Variants in MTCL1 observed in about 807,000 individuals in gnomAD.
MTCL1 encodes microtubule cross-linking factor 1.
Under a neutral mutation model 141.4 loss-of-function variants are expected in MTCL1, and 79 were observed. That is an observed-to-expected ratio of 0.56 (90% CI 0.47 to 0.67). The LOEUF (loss-of-function observed/expected upper bound fraction) is 0.67, where lower values mean the gene tolerates loss of function less well. Among genes scored for constraint, MTCL1 ranks in the 30% least tolerant of loss-of-function variants. MTCL1 has a pLI of 0.00. For synonymous variants in MTCL1, 914 were observed against 875.8 expected (o/e 1.04, Z -0.77); for missense variants, 2,177 against 2,113.9 (o/e 1.03, Z -0.59).
intron 4 of MTCL1, among the ~76,000 whole-genome samples, chr18:8,768,178 T>C (rs1015738397): frequency 2.6e-5 from 4 of 152,236 alleles, no homozygotes; most frequent in Non-Finnish European, 4.4e-5. Flanking sequence ...TATGTTAACA[T>C]TGTACTATAC....
At chr18:8,832,313 TG>T (rs927787884) in exon 17 of MTCL1, 15 of 161,026 alleles carry the variant, frequency 9.3e-5, no homozygotes, top group African/African-American at 3.4e-4. Flanking sequence ...GTGAACTTTT[TG>T]TAGTGAAAAA....
intron 9 of MTCL1, 136 bp downstream of exon 8, chr18:8,796,598 G>A: frequency 2.2e-6 from 2 of 905,908 alleles, no homozygotes; most frequent in Non-Finnish European, 1.6e-6. Context: ...ATCTAATATT[G>A]CAAAAAAGAT....
chr18:8,730,755 C>T (rs1374358120), intron 4 of MTCL1, among the ~76,000 whole-genome samples: 2 of 152,208 alleles, frequency 1.3e-5, no homozygotes, highest in African/African-American at 4.8e-5. Context: ...ACCTTGGACG[C>T]AGCGATGCTG....
exon 6 of MTCL1, chr18:8,784,256 C>G: frequency 6.2e-7 from 1 of 1,603,852 alleles, no homozygotes. Context: ...TGCCCCCAGT[C>G]CCCGGGACAG....
intron 2 of MTCL1, 42 bp from the exon 2 acceptor site, chr18:8,718,382 G>T (rs749092619): frequency 6.3e-7 from 1 of 1,577,846 alleles, no homozygotes; most frequent in South Asian, 1.1e-5. Flanking sequence ...ATCCTTTTTT[G>T]ATGTACTTGG....
exon 6 of MTCL1, chr18:8,783,926 A>T (rs1202210219): frequency 1.9e-6 from 3 of 1,613,522 alleles, no homozygotes; most frequent in Non-Finnish European, 2.5e-6. Flanking sequence ...GGAGTCCTCC[A>T]CTGAGCTCCG....
chr18:8,829,088 A>G (rs1220922125), intron 16 of MTCL1: 15 of 1,549,006 alleles, frequency 9.7e-6, no homozygotes, highest in East Asian at 6.9e-5. Flanking sequence ...GCTCACCCCA[A>G]GTTCCAGGAG....
At chr18:8,790,078 G>C (rs2143726391) in intron 7 of MTCL1, among the ~76,000 whole-genome samples, 1 of 152,348 alleles carries the variant, frequency 6.6e-6, no homozygotes, top group African/African-American at 2.4e-5. Flanking sequence ...GCAGTCTCCA[G>C]AGACAACACT....
At chr18:8,774,581 G>A (rs2096497912) in intron 4 of MTCL1, among the ~76,000 whole-genome samples, 1 of 152,010 alleles carries the variant, frequency 6.6e-6, no homozygotes, top group African/African-American at 2.4e-5. Context: ...TCCACCTCCC[G>A]GGTTCAAGCA....
intron 4 of MTCL1, among the ~76,000 whole-genome samples, chr18:8,765,629 G>C (rs2149025138): frequency 6.6e-6 from 1 of 152,340 alleles, no homozygotes; most frequent in South Asian, 2.1e-4. Context: ...GGGTGCTGCA[G>C]CTACTCGGGC....
At chr18:8,801,353 A>G (rs513953) in intron 10 of MTCL1, among the ~76,000 whole-genome samples, 100,037 of 150,394 alleles carry the variant, frequency 0.67, 34,319 homozygotes, top group Non-Finnish European at 0.76. Flanking sequence ...TTGAGCCTAG[A>G]TGGTATTTAC....
intron 10 of MTCL1, among the ~76,000 whole-genome samples, chr18:8,805,707 G>A (rs1026479361): frequency 1.1e-4 from 16 of 152,252 alleles, no homozygotes; most frequent in African/African-American, 2.9e-4. Context: ...TTCCATAGTA[G>A]AGCTTATCTA....
At chr18:8,829,067 G>A in intron 16 of MTCL1, 1 of 1,591,734 alleles carries the variant, frequency 6.3e-7, no homozygotes, top group Non-Finnish European at 8.6e-7. Flanking sequence ...CTGCCCGGTG[G>A]CGGTACCCTC....
At chr18:8,767,123 TAAG>T (rs1462428586) in intron 4 of MTCL1, among the ~76,000 whole-genome samples, 1 of 152,172 alleles carries the variant, frequency 6.6e-6, no homozygotes, top group Non-Finnish European at 1.5e-5. Context: ...TTTTGCTCCT[TAAG>T]AATCATGAGA....
intron 10 of MTCL1, chr18:8,801,971 T>C (rs996975213): frequency 1.3e-5 from 2 of 152,190 alleles, no homozygotes; most frequent in African/African-American, 4.8e-5. Context: ...ATTTTCAGGG[T>C]CTGTCTTGAG....
chr18:8,812,590 T>A (rs1329681537), intron 11 of MTCL1, among the ~76,000 whole-genome samples: 7 of 152,224 alleles, frequency 4.6e-5, no homozygotes, highest in Non-Finnish European at 1.0e-4. Flanking sequence ...TCCTGGGTAT[T>A]TGACAAATAT....
chr18:8,729,765 T>C (rs2096241240), intron 4 of MTCL1, among the ~76,000 whole-genome samples: 1 of 149,840 alleles, frequency 6.7e-6, no homozygotes, highest in African/African-American at 2.4e-5. Flanking sequence ...ACTCCGTAGC[T>C]TGTCTTCTCA....
chr18:8,732,938 A>G (rs1018158431), intron 4 of MTCL1, among the ~76,000 whole-genome samples: 2 of 152,266 alleles, frequency 1.3e-5, no homozygotes, highest in Admixed American at 1.3e-4. Context: ...TTCATCAGGC[A>G]GTTGGCATTT....
In MTCL1 at chr18:8,706,392, A is replaced by C. The variant is rs1464026644; in HGVS notation, c.732A>C (p.Glu244Asp). Reference sequence around the variant, plus strand: ...CCGGCACGGGCTCCAGCGACCGTGAACCCCCACGAGGAGCGCCGACGCCGA... The same window carrying C: ...CCGGCACGGGCTCCAGCGACCGTGACCCCCCACGAGGAGCGCCGACGCCGA... The change falls in exon 1 of 14, where the codon GAA becomes GAC. Residue 244 changes from glutamate to aspartate, a missense_variant. Physicochemically the swap from Glu to Asp is conservative, Grantham distance 45. Transcript: ENST00000306329. 4.1e-6 allele frequency: 5 copies of C among 1,228,194 alleles called. No homozygotes were observed. The Admixed American group carries it at 1.7e-4, about 42-fold the overall frequency. 76.1% of individuals were successfully genotyped at this position (1,228,194 alleles called of 1,614,324 possible). A position where few individuals can be genotyped will look rare whatever the true frequency, so the allele number is the denominator to read the frequency against.
Sources: allele counts gnomAD v4.1 joint callset (sites outside exome capture counted in the v4.1 genomes callset), GRCh38; gene constraint gnomAD v4.1.1; transcripts MANE v1.5; gene names NCBI Gene and HGNC (gene_info 2026-07-23, HGNC 2026-07-21).